Variants in MIB1 observed in about 807,000 individuals in gnomAD.
MIB1 encodes the protein E3 ubiquitin-protein ligase MIB1.
MIB1 carries 278 observed loss-of-function variants against 124.5 expected under a neutral mutation model. The observed-to-expected ratio is 2.23, with a 90% CI of 2.02 to 2.47. The LOEUF is 2.47. Ranked by LOEUF, MIB1 falls within the 30% of genes most tolerant of loss-of-function variation. The pLI is 0.00. For missense variants in MIB1, 957 were observed against 1,254.4 expected (o/e 0.76, Z 3.58); for synonymous variants, 446 against 429.4 (o/e 1.04, Z -0.48).
chr18:21,723,206 T>A (rs1307739526), intron 1 of MIB1, among the ~76,000 whole-genome samples: 1 of 152,226 alleles, frequency 6.6e-6, no homozygotes, highest in Non-Finnish European at 1.5e-5. Context: ...GGAATTTCTC[T>A]TATGTTGGCT....
At chr18:21,823,835 A>C (rs1199853555) in intron 12 of MIB1, among the ~76,000 whole-genome samples, 3 of 152,192 alleles carry the variant, frequency 2.0e-5, no homozygotes, top group African/African-American at 7.2e-5. Context: ...GCATGTTTTC[A>C]TCTAGAGTTT....
intron 12 of MIB1, 42 bp downstream of exon 12, chr18:21,819,688 T>A: frequency 7.4e-7 from 1 of 1,347,382 alleles, no homozygotes; most frequent in South Asian, 1.9e-5. Flanking sequence ...TCAAAAATAT[T>A]TTCCTACTGT....
intron 1 of MIB1, among the ~76,000 whole-genome samples, chr18:21,761,464 T>C (rs1598597275): frequency 6.6e-6 from 1 of 152,208 alleles, no homozygotes; most frequent in East Asian, 1.9e-4. Context: ...GTTCTATTCC[T>C]GGAAGACCAA....
chr18:21,721,856 T>C (rs1459673341), intron 1 of MIB1, among the ~76,000 whole-genome samples: 3 of 152,226 alleles, frequency 2.0e-5, no homozygotes, highest in Non-Finnish European at 4.4e-5. Flanking sequence ...TTCATTAATA[T>C]CTTACATTAC....
chr18:21,799,809 C>T, intron 8 of MIB1, 32 bp from the exon 9 acceptor site: 2 of 1,590,114 alleles, frequency 1.3e-6, no homozygotes, highest in Non-Finnish European at 8.6e-7. Context: ...TGAGATCCTC[C>T]TATATTAGCA....
chr18:21,826,999 T>G (rs572520699), intron 12 of MIB1: 1 of 152,246 alleles, frequency 6.6e-6, no homozygotes, highest in South Asian at 2.1e-4. Context: ...TTTTTACTAG[T>G]TATATGGGAG....
At chr18:21,815,048 TATATATATAA>T (rs1568212971) in intron 10 of MIB1, among the ~76,000 whole-genome samples, 2 of 130,166 alleles carry the variant, frequency 1.5e-5, no homozygotes, top group Non-Finnish European at 3.2e-5. Flanking sequence ...TATATATATA[TATATATATAA>T]AATTATATAT....
chr18:21,802,638 G>C (rs965549774), intron 9 of MIB1, among the ~76,000 whole-genome samples: 4 of 152,036 alleles, frequency 2.6e-5, no homozygotes, highest in African/African-American at 9.7e-5. Context: ...TCTCTTCTAA[G>C]TTACTTTTTT....
chr18:21,858,652 A>T lies in MIB1; in HGVS notation c.2880+6A>T. On this transcript the variant is annotated splice_donor_region_variant and intron_variant, in intron 20 of 20. Coordinates refer to ENST00000261537, the MANE Select transcript of MIB1 (RefSeq NM_020774.4). Reference sequence around the variant, plus strand: ...TACAAGACATTAAAGAGCAGGTAATAATGATTTCATGTAAACAGTGATGCT... The same window carrying T: ...TACAAGACATTAAAGAGCAGGTAATTATGATTTCATGTAAACAGTGATGCT... 6.9e-7 allele frequency: 1 copy of T among 1,449,808 alleles called. No individual in the cohort carries two copies. Among genetic ancestry groups the T allele is most frequent in the South Asian group, 1.1e-5 (1 of 86,964 alleles). 89.8% of individuals were successfully genotyped at this position (1,449,808 alleles called of 1,614,324 possible). A position where few individuals can be genotyped will look rare whatever the true frequency, so the allele number is the denominator to read the frequency against.
intron 10 of MIB1, among the ~76,000 whole-genome samples, chr18:21,814,036 C>T (rs1171322614): frequency 6.6e-6 from 1 of 152,000 alleles, no homozygotes; most frequent in African/African-American, 2.4e-5. Flanking sequence ...ATGTATACTA[C>T]CTTCATGGCG....
intron 1 of MIB1, among the ~76,000 whole-genome samples, chr18:21,749,954 T>C (rs552443338): frequency 2.4e-4 from 37 of 152,280 alleles, no homozygotes; most frequent in African/African-American, 8.7e-4. Context: ...TACCTTACTT[T>C]TTAACTTTCC....
At chr18:21,773,828 A>G in intron 4 of MIB1, 100 bp downstream of exon 4, 1 of 681,828 alleles carries the variant, frequency 1.5e-6, no homozygotes. Flanking sequence ...TCCCTTTGTC[A>G]GAACCTTTAC....
Position 21,849,278 on chromosome 18 carries a change from A to G in MIB1, c.2476A>G (p.Lys826Glu). The stretch of plus-strand genomic sequence containing the variant: ...AGAGTGTATGGTGTGCTCAGATATG[A>G]AGAGAGATACTCTTTTTGGTCCATG... ...LEECMVCSDM[K>E]RDTLFGPCGH... Residue 826 changes from lysine to glutamate, a missense_variant, in exon 17 of 21, where the codon AAG (lysine) becomes GAG (glutamate). By Grantham distance (56) the Lys-to-Glu change is moderately conservative. Transcript: ENST00000261537. 6.2e-7 allele frequency: 1 copy of G among 1,613,154 alleles called. No homozygotes were observed. The highest frequency in any genetic ancestry group is 1.7e-5 in the Admixed American group (1 of 59,988).
At chr18:21,712,449 C>A (rs1346694532) in intron 1 of MIB1, among the ~76,000 whole-genome samples, 1 of 152,150 alleles carries the variant, frequency 6.6e-6, no homozygotes, top group Non-Finnish European at 1.5e-5. Context: ...TATAAGACTC[C>A]TTAGCAGACT....
At chr18:21,840,442 T>G (rs771213973) in intron 13 of MIB1, among the ~76,000 whole-genome samples, 1 of 151,882 alleles carries the variant, frequency 6.6e-6, no homozygotes, top group Non-Finnish European at 1.5e-5. Context: ...TTAACTTTAC[T>G]TCACAACTTA....
intron 1 of MIB1, among the ~76,000 whole-genome samples, chr18:21,720,173 A>G (rs1347732069): frequency 6.6e-6 from 1 of 152,222 alleles, no homozygotes; most frequent in East Asian, 1.9e-4. Context: ...TGCATAGAAG[A>G]ATTCCAGCTA....
chr18:21,716,288 A>G (rs1445324408), intron 1 of MIB1, among the ~76,000 whole-genome samples: 1 of 152,166 alleles, frequency 6.6e-6, no homozygotes, highest in Non-Finnish European at 1.5e-5. Flanking sequence ...AAGGAAAGAT[A>G]CAGTCTTTTT....
At chr18:21,748,088 G>T (rs1003924362) in intron 1 of MIB1, among the ~76,000 whole-genome samples, 3 of 152,190 alleles carry the variant, frequency 2.0e-5, no homozygotes, top group African/African-American at 7.2e-5. Context: ...GAGAGATTAA[G>T]AAATTTGTCC....
At chr18:21,833,607 T>G (rs908803040) in intron 12 of MIB1, among the ~76,000 whole-genome samples, 1 of 152,208 alleles carries the variant, frequency 6.6e-6, no homozygotes, top group Non-Finnish European at 1.5e-5. Context: ...GTTTAGCTAG[T>G]AGGGTTTGGG....
Sources: gnomAD v4.1 joint callset for allele counts (sites outside exome capture counted in the v4.1 genomes callset) on GRCh38, gnomAD v4.1.1 for gene constraint, MANE v1.5 for transcripts, NCBI Gene and HGNC (gene_info 2026-07-23, HGNC 2026-07-21) for gene names.